The following SDK1 variants were observed in gnomAD, a reference collection of about 807,000 sequenced individuals.
The protein encoded by SDK1 is sidekick cell adhesion molecule 1.
In SDK1, 157 loss-of-function variants were observed where a neutral mutation model predicts 245.5. That is an observed-to-expected ratio of 0.64 (90% confidence interval 0.56 to 0.73). SDK1 has a LOEUF of 0.73. SDK1 is among the 30% of genes least tolerant of loss of function. SDK1 has a pLI of 0.00. For synonymous variants in SDK1, 1,647 were observed against 1,278.5 expected (o/e 1.29, Z -6.15); for missense variants, 3,583 against 3,002.3 (o/e 1.19, Z -4.52).
chr7:3,881,435 A>G (rs914142733), intron 5 of SDK1, among the ~76,000 whole-genome samples: 4 of 152,192 alleles, frequency 2.6e-5, no homozygotes, highest in African/African-American at 4.8e-5. Flanking sequence ...ACAAGATTTC[A>G]TTCCTTTTTG....
chr7:3,602,839 G>C (rs982005675), intron 1 of SDK1, among the ~76,000 whole-genome samples: 2 of 152,074 alleles, frequency 1.3e-5, no homozygotes, highest in African/African-American at 2.4e-5. Flanking sequence ...AATCCATCTT[G>C]AATTAATTTT....
At chr7:3,434,352 A>G (rs1294865600) in intron 1 of SDK1, among the ~76,000 whole-genome samples, 1 of 152,162 alleles carries the variant, frequency 6.6e-6, no homozygotes, top group African/African-American at 2.4e-5. Flanking sequence ...TTGGTATATG[A>G]GGTGGACTTT....
At chr7:3,555,116 A>G (rs1333167335) in intron 1 of SDK1, among the ~76,000 whole-genome samples, 2 of 152,200 alleles carry the variant, frequency 1.3e-5, no homozygotes, top group East Asian at 1.9e-4. Context: ...AAAGCCAAGA[A>G]TAGACAAATT....
chr7:3,395,620 C>T (rs1781877437), intron 1 of SDK1, among the ~76,000 whole-genome samples: 2 of 151,832 alleles, frequency 1.3e-5, no homozygotes, highest in Admixed American at 1.3e-4. Flanking sequence ...GGAATCTGAG[C>T]CTGGACTTTT....
chr7:3,742,473 A>G (rs1313101471), intron 4 of SDK1, among the ~76,000 whole-genome samples: 1 of 152,144 alleles, frequency 6.6e-6, no homozygotes, highest in Non-Finnish European at 1.5e-5. Flanking sequence ...GGCTTACACA[A>G]ACCAGCCCTA....
intron 28 of SDK1, among the ~76,000 whole-genome samples, chr7:4,138,800 A>G (rs1318682985): frequency 1.3e-5 from 2 of 152,020 alleles, no homozygotes; most frequent in Non-Finnish European, 2.9e-5. Context: ...GAAGGAAAAG[A>G]AAAGAAAAGA....
intron 4 of SDK1, among the ~76,000 whole-genome samples, chr7:3,785,789 G>A (rs1413210654): frequency 1.3e-5 from 2 of 152,162 alleles, no homozygotes; most frequent in Non-Finnish European, 2.9e-5. Flanking sequence ...CTCTTAAAAA[G>A]GTCCCAAGCA....
intron 17 of SDK1, among the ~76,000 whole-genome samples, chr7:4,023,195 A>T (rs1787065096): frequency 6.6e-6 from 1 of 152,132 alleles, no homozygotes; most frequent in Non-Finnish European, 1.5e-5. Context: ...GGATTACTTA[A>T]TATAAACTTT....
At chr7:4,102,612 G>T (rs191967212) in intron 22 of SDK1, among the ~76,000 whole-genome samples, 32 of 152,252 alleles carry the variant, frequency 2.1e-4, no homozygotes, top group African/African-American at 6.7e-4. Flanking sequence ...ATTGACCCTG[G>T]CCTCCGGAGT....
intron 1 of SDK1, among the ~76,000 whole-genome samples, chr7:3,499,093 C>A (rs1412395244): frequency 6.6e-6 from 1 of 152,086 alleles, no homozygotes; most frequent in African/African-American, 2.4e-5. Flanking sequence ...GTAAAGTGTG[C>A]CCTTTCTACA....
chr7:3,702,077 TAGTGA>T (rs1302247522), intron 4 of SDK1, among the ~76,000 whole-genome samples: 38 of 152,274 alleles, frequency 2.5e-4, no homozygotes, highest in Non-Finnish European at 2.1e-4. Context: ...GTTTAGAACT[TAGTGA>T]AGTGTTCTTA....
chr7:3,680,771 C>T (rs926545252), intron 4 of SDK1, among the ~76,000 whole-genome samples: 13 of 152,206 alleles, frequency 8.5e-5, no homozygotes, highest in African/African-American at 2.9e-4. Context: ...TGCAACTCCT[C>T]TTCCTCTTAA....
At chr7:3,566,259 C>G (rs1383103950) in intron 1 of SDK1, among the ~76,000 whole-genome samples, 1 of 144,202 alleles carries the variant, frequency 6.9e-6, no homozygotes, top group Non-Finnish European at 1.5e-5. Context: ...GAGTCTCGCT[C>G]TGTCGCCCAG....
chr7:4,265,481 T>C lies in SDK1; in HGVS notation c.*97T>C, dbSNP rs1364380840. 1 of 1,368,878 alleles carries C rather than the reference T, an allele frequency of 7.3e-7. No individual in the cohort carries two copies. The highest frequency in any genetic ancestry group is 9.4e-7 in the Non-Finnish European group (1 of 1,069,248). The allele number at this position is 1,368,878 out of a possible 1,614,324, so 84.8% of individuals were successfully genotyped here. A position where few individuals can be genotyped will look rare whatever the true frequency, so the allele number is the denominator to read the frequency against. On this transcript the variant is annotated 3_prime_UTR_variant, in exon 45 of 45. Coordinates refer to ENST00000404826, the MANE Select transcript of SDK1 (RefSeq NM_152744.4). ...ACTCCAATAACTGAGCTGAAGTTTT[T>C]GTTTAAAAAGAAAAAAATCTGATAA...
chr7:3,493,753 C>G (rs1039714054), intron 1 of SDK1, among the ~76,000 whole-genome samples: 1 of 152,202 alleles, frequency 6.6e-6, no homozygotes, highest in Non-Finnish European at 1.5e-5. Flanking sequence ...ATCATCCTTT[C>G]TCACTTATGA....
At position 3,307,242 on chromosome 7, in the gene SDK1, T is replaced by A. The variant is rs567275886; in HGVS notation, c.298+5358T>A. ...CCTAAGTATGTACACCTCTTTTTTT[T>A]AAAAAAAGGGCATAAACGTTCGTAG... On this transcript the variant is annotated intron_variant, in intron 1 of 44. Transcript: ENST00000404826. Among the ~76,000 whole-genome samples the A allele has an allele frequency of 8.0e-3, 1,215 of 152,058 alleles. 15 individuals are homozygous for A. Among genetic ancestry groups the A allele is most frequent in the African/African-American group, 0.027 (1,133 of 41,462 alleles).
intron 1 of SDK1, among the ~76,000 whole-genome samples, chr7:3,349,095 T>A (rs1780586726): frequency 6.6e-6 from 1 of 152,058 alleles, no homozygotes; most frequent in Admixed American, 6.6e-5. Context: ...GTTTTGTCGT[T>A]CTCATTTCCC....
At chr7:3,557,196 A>G (rs1033691747) in intron 1 of SDK1, among the ~76,000 whole-genome samples, 3 of 152,198 alleles carry the variant, frequency 2.0e-5, no homozygotes, top group Non-Finnish European at 2.9e-5. Context: ...AATAAAATTG[A>G]TAAATCTGTA....
intron 17 of SDK1, among the ~76,000 whole-genome samples, chr7:4,037,393 G>T (rs1034337153): frequency 9.2e-5 from 14 of 152,094 alleles, no homozygotes; most frequent in African/African-American, 3.4e-4. Context: ...ATGAGGTGGG[G>T]GGATCAGTGG....
Sources: allele counts gnomAD v4.1 joint callset (sites outside exome capture counted in the v4.1 genomes callset), GRCh38; gene constraint gnomAD v4.1.1; transcripts MANE v1.5; gene names NCBI Gene and HGNC (gene_info 2026-07-23, HGNC 2026-07-21).